The following TRIM4 variants were observed in gnomAD, a reference collection of about 807,000 sequenced individuals.
TRIM4 encodes the protein E3 ubiquitin-protein ligase TRIM4.
Under a neutral mutation model 33.7 loss-of-function variants are expected in TRIM4, and 29 were observed. The observed-to-expected ratio is 0.86, with a 90% CI of 0.64 to 1.17. The LOEUF is 1.17. Among genes scored for constraint, TRIM4 ranks in the 50% most tolerant of loss-of-function variants. The probability of loss-of-function intolerance (pLI) is 0.00; values close to 1 mark genes in which losing one functional copy is unlikely to be tolerated. For missense variants in TRIM4, 554 were observed against 593.7 expected, an observed-to-expected ratio of 0.93 and a Z score of 0.69; for synonymous variants, 224 against 233.0, an observed-to-expected ratio of 0.96 and a Z score of 0.35.
rs753527282 is a variant in TRIM4 at position 99,908,651 on chromosome 7, G to A, written c.651C>T (p.Ile217=). The change falls in exon 3 of 6, where the codon ATC becomes ATT. Residue 217 remains isoleucine, a synonymous_variant. Coordinates refer to ENST00000349062, the MANE Select transcript of TRIM4 (RefSeq NM_033091.3). ...NENTLKLNQT[I]ASLKKLILEV... ...CTAAGATGAGCTTCTTCAATGAAGC[G>A]ATAGTTTGATTGAGTTTTAACGTGT... 4.3e-6 allele frequency: 7 copies of A among 1,614,008 alleles called. No individual in the cohort carries two copies. The highest frequency in any genetic ancestry group is 1.3e-5 in the African/African-American group (1 of 74,910).
At chr7:99,917,384 A>G (rs1011240735) in intron 1 of TRIM4, among the ~76,000 whole-genome samples, 8 of 152,258 alleles carry the variant, frequency 5.3e-5, no homozygotes, top group African/African-American at 1.9e-4. Flanking sequence ...GTACAACTGT[A>G]CAGTATTTTA....
At chr7:99,909,692 C>T (rs1584270292) in intron 1 of TRIM4, 32 bp from the exon 2 acceptor site, 6 of 1,392,168 alleles carry the variant, frequency 4.3e-6, no homozygotes, top group Non-Finnish European at 6.1e-6. Context: ...GGTAAGAAAA[C>T]ACATCTCCAA....
rs375527938 is a variant in TRIM4 at position 99,919,443 on chromosome 7, G to T, written c.-42C>A. On this transcript the variant is annotated 5_prime_UTR_variant, in exon 1 of 6. Transcript: ENST00000349062. ...GGAGACGGAGTCCGACGTGAGGCGC[G>T]GGAGAGGCCAGCAAGCTGCGAGCGG... 20 of 1,476,036 alleles carry T rather than the reference G, an allele frequency of 1.4e-5. 3 individuals are homozygous for T. In the South Asian group the frequency reaches 2.7e-4, roughly 20 times the overall value. The allele number at this position is 1,476,036 out of a possible 1,614,324, so 91.4% of individuals were successfully genotyped here. A position where few individuals can be genotyped will look rare whatever the true frequency, so the allele number is the denominator to read the frequency against.
chr7:99,892,371 A>C lies in TRIM4; in HGVS notation c.1217T>G (p.Phe406Cys). 6.2e-7 allele frequency: 1 copy of C among 1,614,086 alleles called. No homozygotes were observed. Among genetic ancestry groups the C allele is most frequent in the South Asian group, 1.1e-5 (1 of 91,068 alleles). The change falls in exon 6 of 6, where the codon TTC becomes TGC. Residue 406 changes from phenylalanine (F) to cysteine (C), a missense_variant. Coordinates refer to ENST00000349062, the MANE Select transcript of TRIM4 (RefSeq NM_033091.3). ...CTCTTGCTGGGTGGGAGTTCCAGGG[A>C]AGCCTATCAAGGGCCAATAGCCAGC... ...SAAGYWPLIG[F>C]PGTPTQQEPA...
rs745388652 is a variant in TRIM4, at chr7:99,908,661, T to C, written c.641A>G (p.Asn214Ser). The C allele has an allele frequency of 2.7e-5, 44 of 1,614,102 alleles. No homozygotes were observed. Among genetic ancestry groups the C allele is most frequent in the Non-Finnish European group, 3.4e-5 (40 of 1,180,054 alleles). ...CTTCTTCAATGAAGCGATAGTTTGA[T>C]TGAGTTTTAACGTGTTCTCATTCAG... is the stretch of plus-strand genomic sequence containing the variant. ...KKLNENTLKL[N>S]QTIASLKKLI... The change falls in exon 3 of 6, where the codon AAT (asparagine) becomes AGT (serine). Residue 214 changes from asparagine to serine, a missense_variant. Coordinates refer to ENST00000349062, the MANE Select transcript of TRIM4 (RefSeq NM_033091.3).
Position 99,892,497 on chromosome 7 carries a change from A to C in TRIM4, c.1091T>G (p.Leu364Arg). ...CCGACACACCCCAACAGCAACCTCC[A>C]GACTATCTCTACTCTCAACTTCCCA... ...HYWEVESRDS[L>R]EVAVGVCRED... Residue 364 changes from leucine (L) to arginine (R), a missense_variant, in exon 6 of 6, where the codon CTG becomes CGG. Around this residue, in one of 3 missense-constraint regions of TRIM4, gnomAD observed 290 missense variants for 335.8 expected, o/e 0.86. Transcript: ENST00000349062. 1 of 1,614,192 alleles carries C rather than the reference A, an allele frequency of 6.2e-7. No homozygotes were observed. Among genetic ancestry groups the C allele is most frequent in the Non-Finnish European group, 8.5e-7 (1 of 1,180,030 alleles).
rs115952343 is a variant in TRIM4, at chr7:99,903,463, C to T, written c.743+113G>A. ...AATCAGGAGAATTTTTCCTCAGACC[C>T]CCATTAGGGTGTGCCCAGACTGACC... On this transcript the variant is annotated intron_variant, in intron 4 of 5. Transcript: ENST00000349062. 1,771 of 1,437,396 alleles carry T rather than the reference C, an allele frequency of 1.2e-3. 22 individuals are homozygous for T. In the African/African-American group the frequency reaches 0.021, roughly 17 times the overall value. The allele number at this position is 1,437,396 out of a possible 1,614,324, so 89.0% of individuals were successfully genotyped here. A position where few individuals can be genotyped will look rare whatever the true frequency, so the allele number is the denominator to read the frequency against.
intron 5 of TRIM4, among the ~76,000 whole-genome samples, chr7:99,897,378 C>T (rs1435192137): frequency 6.6e-6 from 1 of 152,180 alleles, no homozygotes; most frequent in African/African-American, 2.4e-5. Context: ...GGGAGACAGT[C>T]GATCCCACCC....
In TRIM4 at chr7:99,913,520, A is replaced by T. The variant is rs1236906336; in HGVS notation, c.394-3860T>A. Among the ~76,000 whole-genome samples, 6 of 151,880 alleles carry T rather than the reference A, an allele frequency of 4.0e-5. No homozygotes were observed. The East Asian group carries it at 1.2e-3, about 29-fold the overall frequency. ...CGTCTTTACTAAAAATACAAAAAAA[A>T]ATTAGCCGGGCATGGTGGCACACGC... On this transcript the variant is annotated intron_variant, in intron 1 of 5. Transcript: ENST00000349062.
intron 5 of TRIM4, among the ~76,000 whole-genome samples, chr7:99,897,835 G>A (rs1370834667): frequency 6.6e-6 from 1 of 152,216 alleles, no homozygotes; most frequent in African/African-American, 2.4e-5. Flanking sequence ...CAGGCGCCAG[G>A]CCACTGCCAG....
In TRIM4 at chr7:99,902,124, G is replaced by A. The variant is rs370272153; in HGVS notation, c.841+1094C>T. On this transcript the variant is annotated intron_variant, in intron 5 of 5. Transcript: ENST00000349062. ...GCCTGACGTCTGGTGCTTTGAAAAC[G>A]GTTGTTTCACATATTGTGCCTGTTT... The A allele has an allele frequency of 2.0e-5, 15 of 765,222 alleles. 1 individual carries two copies. The highest frequency in any genetic ancestry group is 1.1e-4 in the South Asian group (8 of 74,606). 47.4% of individuals were successfully genotyped at this position (765,222 alleles called of 1,614,324 possible).
intron 5 of TRIM4, chr7:99,901,880 G>A (rs1015253193): frequency 1.2e-4 from 63 of 529,840 alleles, no homozygotes; most frequent in Middle Eastern, 4.9e-4. Context: ...CTCTGTGTCC[G>A]GCTCTCTCCG....
chr7:99,891,325 T>G lies in TRIM4; in HGVS notation c.*838A>C, dbSNP rs1163754711. 1 of 152,358 alleles carries G rather than the reference T, an allele frequency of 6.6e-6. No homozygotes were observed. Among genetic ancestry groups the G allele is most frequent in the Admixed American group, 6.5e-5 (1 of 15,304 alleles). The allele number at this position is 152,358 out of a possible 1,614,324, so 9.4% of individuals were successfully genotyped here. On this transcript the variant is annotated 3_prime_UTR_variant, in exon 6 of 6. Coordinates refer to ENST00000349062, the MANE Select transcript of TRIM4 (RefSeq NM_033091.3). ...TGTACAAATAGGATTTGACTTTCCA[T>G]CTCACTGAGTTGTGATGAGAGTCAT...
At chr7:99,910,686 G>A (rs1269027333) in intron 1 of TRIM4, among the ~76,000 whole-genome samples, 1 of 152,220 alleles carries the variant, frequency 6.6e-6, no homozygotes, top group Non-Finnish European at 1.5e-5. Context: ...CGAATTTGGA[G>A]GTGGGGTACT....
chr7:99,918,888 A>G, intron 1 of TRIM4, 121 bp downstream of exon 1: 1 of 1,266,396 alleles, frequency 7.9e-7, no homozygotes, highest in Non-Finnish European at 1.0e-6. Flanking sequence ...TTTGAGTTTC[A>G]GGGGCTTTTC....
Position 99,919,443 on chromosome 7 carries a change from G to C in TRIM4, c.-42C>G, listed in dbSNP as rs375527938. ...GGAGACGGAGTCCGACGTGAGGCGC[G>C]GGAGAGGCCAGCAAGCTGCGAGCGG... On this transcript the variant is annotated 5_prime_UTR_variant, in exon 1 of 6. Transcript: ENST00000349062. 1.2e-5 allele frequency: 18 copies of C among 1,475,918 alleles called. No individual in the cohort carries two copies. The Admixed American group carries it at 2.7e-4, about 22-fold the overall frequency. The allele number at this position is 1,475,918 out of a possible 1,614,324, so 91.4% of individuals were successfully genotyped here.
chr7:99,911,696 G>A (rs1490446218), intron 1 of TRIM4, among the ~76,000 whole-genome samples: 1 of 152,142 alleles, frequency 6.6e-6, no homozygotes. Context: ...CACAACATTA[G>A]CAGGCGAATG....
At position 99,892,565 on chromosome 7, in the gene TRIM4, G is replaced by A. The variant is rs775842125; in HGVS notation, c.1023C>T (p.Pro341=). Residue 341 remains proline, a synonymous_variant, in exon 6 of 6, where the codon CCC becomes CCT. Coordinates refer to ENST00000349062, the MANE Select transcript of TRIM4 (RefSeq NM_033091.3). The part of the protein sequence containing the change: ...TAFVERFQHL[P]CVLGKNVFTS... The stretch of plus-strand genomic sequence containing the variant: ...TGAAAACGTTTTTTCCCAGAACACA[G>A]GGTAAGTGCTGAAATCTCTCTACAA... 36 of 1,614,086 alleles carry A rather than the reference G, an allele frequency of 2.2e-5. No homozygotes were observed. The South Asian group carries it at 3.8e-4, about 17-fold the overall frequency.
chr7:99,906,631 C>A (rs933237413), intron 3 of TRIM4, among the ~76,000 whole-genome samples: 4 of 152,096 alleles, frequency 2.6e-5, no homozygotes, highest in Non-Finnish European at 4.4e-5. Context: ...AGGAGCCAAG[C>A]ATTCCAACTC....
Sources: gnomAD v4.1 joint callset for allele counts (sites outside exome capture counted in the v4.1 genomes callset) on GRCh38, gnomAD v4.1.1 for gene constraint, gnomAD v4.1.1 regional missense constraint, MANE v1.5 for transcripts, NCBI Gene and HGNC (gene_info 2026-07-23, HGNC 2026-07-21) for gene names.